WDR11: variants seen among roughly 807,000 people sequenced by gnomAD.
WDR11 encodes the protein WD repeat domain 11.
A neutral mutation model predicts 151.2 loss-of-function variants in WDR11; 83 were observed. The ratio of observed to expected loss-of-function variants is 0.55; its 90% CI spans 0.46 to 0.66. The LOEUF is 0.66. Among genes scored for constraint, WDR11 ranks in the 30% least tolerant of loss-of-function variants. WDR11 has a pLI of 0.00. For synonymous variants in WDR11, 484 were observed against 533.1 expected (o/e 0.91, Z 1.27); for missense variants, 1,301 against 1,480.9 (o/e 0.88, Z 1.99).
intron 18 of WDR11, 142 bp downstream of exon 18, chr10:120,890,151 C>CT: frequency 6.2e-6 from 4 of 644,124 alleles, no homozygotes; most frequent in Non-Finnish European, 1.1e-5. Flanking sequence ...ATTTTCTTTA[C>CT]TTTACAGTAT....
Position 120,862,845 on chromosome 10 carries a change from A to G in WDR11, c.637A>G (p.Asn213Asp). ...CAGCCCACACTCTAGCCCAGCTCAT[A>G]ACAAGCTGGCCACAGCCACAGGTGC... ...ISSPHSSPAH[N>D]KLATATGAKK... The change falls in exon 5 of 29, where the codon AAC becomes GAC. Residue 213 changes from asparagine to aspartate, a missense_variant. Physicochemically the swap from Asn to Asp is conservative, Grantham distance 23 (BLOSUM62 1). Coordinates refer to ENST00000263461, the MANE Select transcript of WDR11 (RefSeq NM_018117.12). 6.2e-7 allele frequency: 1 copy of G among 1,614,050 alleles called. No individual in the cohort carries two copies. Among genetic ancestry groups the G allele is most frequent in the Non-Finnish European group, 8.5e-7 (1 of 1,179,908 alleles).
chr10:120,855,561 A>G (rs957167572), intron 2 of WDR11, among the ~76,000 whole-genome samples: 1 of 152,144 alleles, frequency 6.6e-6, no homozygotes, highest in African/African-American at 2.4e-5. Context: ...TGCCATATCC[A>G]AGAAACCATT....
In WDR11 at chr10:120,862,918, C is replaced by G; in HGVS notation, c.710C>G (p.Pro237Arg). ...AAAATTTTAATCACTCAAGAGAAACCTAGGTAAGTTACAAGTGTAAAATTA... is the reference window on the plus strand; with the variant it reads ...AAAATTTTAATCACTCAAGAGAAACGTAGGTAAGTTACAAGTGTAAAATTA... ...KVKILITQEK[P>R]SAEFITLNDC... Residue 237 changes from proline to arginine, a missense_variant, in exon 5 of 29, where the codon CCT becomes CGT. Pro to Arg is a moderately radical substitution (Grantham distance 103). Coordinates refer to ENST00000263461, the MANE Select transcript of WDR11 (RefSeq NM_018117.12). 1 of 1,601,472 alleles carries G rather than the reference C, an allele frequency of 6.2e-7. No individual in the cohort carries two copies. The highest frequency in any genetic ancestry group is 8.6e-7 in the Non-Finnish European group (1 of 1,168,656).
intron 21 of WDR11, among the ~76,000 whole-genome samples, chr10:120,901,784 T>G (rs1366204183): frequency 6.6e-6 from 1 of 152,256 alleles, no homozygotes; most frequent in Non-Finnish European, 1.5e-5. Flanking sequence ...AATGTCTTCC[T>G]TTCTGATTTG....
chr10:120,882,601 A>G (rs11199624), intron 13 of WDR11, among the ~76,000 whole-genome samples: 1,969 of 150,710 alleles, frequency 0.013, 16 homozygotes, highest in Non-Finnish European at 0.018. Context: ...AGCTTTGGTA[A>G]TTGGTGTCTT....
intron 19 of WDR11, among the ~76,000 whole-genome samples, chr10:120,893,321 A>G (rs1158384108): frequency 1.3e-5 from 2 of 152,122 alleles, no homozygotes; most frequent in African/African-American, 4.8e-5. Context: ...AGCTTCATCC[A>G]TGTCCCTACA....
chr10:120,858,935 C>T, intron 3 of WDR11, 139 bp downstream of exon 3: 1 of 1,061,934 alleles, frequency 9.4e-7, no homozygotes, highest in Non-Finnish European at 1.4e-6. Flanking sequence ...GCCTATTCTG[C>T]TGATCTAAAT....
chr10:120,871,913 A>G (rs769954987), intron 10 of WDR11, among the ~76,000 whole-genome samples: 3 of 152,346 alleles, frequency 2.0e-5, no homozygotes, highest in African/African-American at 7.2e-5. Flanking sequence ...TTGATTTCAT[A>G]GTAATGTGAT....
intron 14 of WDR11, among the ~76,000 whole-genome samples, chr10:120,885,474 C>G (rs1339138275): frequency 6.6e-6 from 1 of 152,054 alleles, no homozygotes; most frequent in East Asian, 1.9e-4. Context: ...ATAAAGGACC[C>G]TGGTTCGAGA....
intron 5 of WDR11, among the ~76,000 whole-genome samples, chr10:120,863,155 G>T (rs890958352): frequency 1.3e-5 from 2 of 152,126 alleles, no homozygotes; most frequent in African/African-American, 4.8e-5. Context: ...GACTTTTATA[G>T]ATTAAAATTT....
intron 27 of WDR11, chr10:120,906,262 A>G (rs1564727198): frequency 2.2e-6 from 3 of 1,381,042 alleles, no homozygotes; most frequent in Non-Finnish European, 2.8e-6. Flanking sequence ...GGCACCTAGT[A>G]AAAGGGAATT....
chr10:120,865,182 A>G lies in WDR11; in HGVS notation c.849A>G (p.Ala283=), dbSNP rs758145169. Residue 283 remains alanine, a synonymous_variant, in exon 6 of 29, where the codon GCA becomes GCG. Coordinates refer to ENST00000263461, the MANE Select transcript of WDR11 (RefSeq NM_018117.12). ...TGAATCAGACGGTGGGTGTGATTGC[A>G]ATAGAACGCACAGGAGTTCCATTTT... ...LEVNQTVGVI[A]IERTGVPFLQ... 10 of 1,613,808 alleles carry G rather than the reference A, an allele frequency of 6.2e-6. No individual in the cohort carries two copies. In the Admixed American group the frequency reaches 1.7e-4, roughly 27 times the overall value.
At chr10:120,907,030 T>G (rs1314139428) in intron 28 of WDR11, among the ~76,000 whole-genome samples, 175 bp downstream of exon 28, 1 of 152,040 alleles carries the variant, frequency 6.6e-6, no homozygotes, top group East Asian at 1.9e-4. Context: ...GGACAAAGAA[T>G]CAGATAAGAA....
Position 120,901,070 on chromosome 10 carries a change from C to T in WDR11, c.2659C>T (p.Leu887Phe), listed in dbSNP as rs1847796693. Reference sequence around the variant, plus strand: ...AGAAAATGAAGAAATAAAGAATCTCCTCCAAGAACAGTTGAATTCATTGTC... The same window carrying T: ...AGAAAATGAAGAAATAAAGAATCTCTTCCAAGAACAGTTGAATTCATTGTC... The part of the protein sequence containing the change: ...YPENEEIKNL[L>F]QEQLNSLSND... Residue 887 changes from leucine to phenylalanine, a missense_variant, in exon 21 of 29, where the codon CTC (leucine) becomes TTC (phenylalanine). Leu to Phe is a conservative substitution (Grantham distance 22, BLOSUM62 0). Around this residue, in one of 3 missense-constraint regions of WDR11, gnomAD observed 589 missense variants for 670.6 expected, o/e 0.88. Transcript: ENST00000263461. The T allele has an allele frequency of 4.3e-6, 7 of 1,612,952 alleles. No homozygotes were observed. Among genetic ancestry groups the T allele is most frequent in the Non-Finnish European group, 5.9e-6 (7 of 1,179,134 alleles).
intron 11 of WDR11, among the ~76,000 whole-genome samples, chr10:120,874,225 TTG>T (rs1440506490): frequency 8.5e-5 from 12 of 141,118 alleles, no homozygotes; most frequent in African/African-American, 2.1e-4. Flanking sequence ...TTGTTTTGTT[TTG>T]TTTTTTTTAA....
intron 17 of WDR11, 31 bp from the exon 18 acceptor site, chr10:120,889,864 T>G (rs561367320): frequency 2.1e-6 from 3 of 1,439,540 alleles, no homozygotes; most frequent in Non-Finnish European, 2.9e-6. Context: ...CACTCTACAT[T>G]GTATTGATGT....
At chr10:120,860,620 G>A (rs1366727266) in intron 4 of WDR11, among the ~76,000 whole-genome samples, 1 of 152,108 alleles carries the variant, frequency 6.6e-6, no homozygotes. Flanking sequence ...TTGAATCAAG[G>A]GTTTCATTCA....
At chr10:120,877,407 AG>A (rs1846833118) in intron 11 of WDR11, among the ~76,000 whole-genome samples, 1 of 152,158 alleles carries the variant, frequency 6.6e-6, no homozygotes, top group Non-Finnish European at 1.5e-5. Flanking sequence ...TTTGTGTTTC[AG>A]TTAATGCAAT....
At chr10:120,898,433 A>C (rs1847691463) in intron 19 of WDR11, among the ~76,000 whole-genome samples, 1 of 152,206 alleles carries the variant, frequency 6.6e-6, no homozygotes, top group Admixed American at 6.5e-5. Context: ...ACAAACATTC[A>C]TTTCCTTCAT....
Sources: gnomAD v4.1 joint callset for allele counts (sites outside exome capture counted in the v4.1 genomes callset) on GRCh38, gnomAD v4.1.1 for gene constraint, gnomAD v4.1.1 regional missense constraint, MANE v1.5 for transcripts, NCBI Gene and HGNC (gene_info 2026-07-23, HGNC 2026-07-21) for gene names.